Variants in TMEM117 observed in about 807,000 individuals in gnomAD.
TMEM117 encodes transmembrane protein 117.
In TMEM117, 27 loss-of-function variants were observed where a neutral mutation model predicts 52.4. The observed-to-expected ratio is 0.51, with a 90% CI of 0.38 to 0.71. The LOEUF is 0.71. TMEM117 is among the 30% of genes least tolerant of loss of function. The pLI, the probability that TMEM117 is intolerant of heterozygous loss-of-function variation, is 0.00. For missense variants in TMEM117, 556 were observed against 630.5 expected (o/e 0.88, Z 1.26); for synonymous variants, 215 against 206.3 (o/e 1.04, Z -0.36).
chr12:44,286,605 G>T (rs1950641778), intron 5 of TMEM117, among the ~76,000 whole-genome samples: 1 of 151,948 alleles, frequency 6.6e-6, no homozygotes, highest in South Asian at 2.1e-4. Context: ...ATGAATGAAA[G>T]AAAACAATAT....
chr12:44,296,438 C>T (rs1489732265), intron 5 of TMEM117, among the ~76,000 whole-genome samples: 1 of 152,192 alleles, frequency 6.6e-6, no homozygotes, highest in Non-Finnish European at 1.5e-5. Flanking sequence ...TTGGGCAAGA[C>T]TGCCCCTGAC....
At chr12:43,920,275 C>T (rs1944669711) in intron 2 of TMEM117, among the ~76,000 whole-genome samples, 1 of 152,140 alleles carries the variant, frequency 6.6e-6, no homozygotes, top group East Asian at 1.9e-4. Context: ...CCTATAATCC[C>T]AGCACTTTGG....
the TMEM117 span, chr12:43,806,111 G>T: frequency 1.3e-6 from 2 of 1,523,278 alleles, no homozygotes; most frequent in South Asian, 2.4e-5. Context: ...CCGCGAGACC[G>T]ACTTCCGGAG....
intron 3 of TMEM117, among the ~76,000 whole-genome samples, chr12:44,065,766 C>A (rs900623083): frequency 6.6e-6 from 1 of 152,092 alleles, no homozygotes; most frequent in Non-Finnish European, 1.5e-5. Flanking sequence ...GAATCCCACT[C>A]GTGTACAGAT....
chr12:44,039,899 C>A (rs963854467), intron 3 of TMEM117, among the ~76,000 whole-genome samples: 1 of 152,014 alleles, frequency 6.6e-6, no homozygotes, highest in Non-Finnish European at 1.5e-5. Context: ...CTGGAATAGA[C>A]CCTGGTATAT....
At chr12:44,303,647 C>A (rs1167610518) in intron 6 of TMEM117, among the ~76,000 whole-genome samples, 1 of 152,174 alleles carries the variant, frequency 6.6e-6, no homozygotes, top group Non-Finnish European at 1.5e-5. Flanking sequence ...AGAAAACATT[C>A]TTCTAAGGAA....
At chr12:44,172,757 C>T (rs889261677) in intron 4 of TMEM117, among the ~76,000 whole-genome samples, 5 of 152,152 alleles carry the variant, frequency 3.3e-5, no homozygotes, top group African/African-American at 1.2e-4. Flanking sequence ...CTGAGTTTCG[C>T]TGTGTCACCC....
intron 3 of TMEM117, among the ~76,000 whole-genome samples, chr12:43,950,808 T>C (rs1220840953): frequency 6.6e-6 from 1 of 152,216 alleles, no homozygotes; most frequent in East Asian, 1.9e-4. Flanking sequence ...TAAATTCTAC[T>C]ATCAGTTTAA....
At chr12:44,221,176 C>T (rs140328662) in intron 5 of TMEM117, among the ~76,000 whole-genome samples, 1,848 of 152,258 alleles carry the variant, frequency 0.012, 32 homozygotes, top group African/African-American at 0.042. Context: ...GTAGGTTATA[C>T]ATCTGTACCA....
intron 6 of TMEM117, among the ~76,000 whole-genome samples, chr12:44,313,489 C>A (rs1263184575): frequency 6.6e-6 from 1 of 152,150 alleles, no homozygotes; most frequent in Non-Finnish European, 1.5e-5. Flanking sequence ...GTACCAATAT[C>A]ATGCTGTTTT....
chr12:44,215,227 T>A (rs906540661), intron 5 of TMEM117, among the ~76,000 whole-genome samples: 5 of 152,226 alleles, frequency 3.3e-5, no homozygotes, highest in African/African-American at 1.2e-4. Context: ...ATCTCTTACC[T>A]ACTTGTAGCT....
At chr12:43,848,309 T>C (rs554158385) in intron 2 of TMEM117, among the ~76,000 whole-genome samples, 2 of 152,218 alleles carry the variant, frequency 1.3e-5, no homozygotes, top group Non-Finnish European at 2.9e-5. Flanking sequence ...TCCTCAACCC[T>C]AGTAAGCCTG....
chr12:44,166,376 A>G (rs1948967836), intron 4 of TMEM117, among the ~76,000 whole-genome samples: 1 of 152,222 alleles, frequency 6.6e-6, no homozygotes, highest in Non-Finnish European at 1.5e-5. Flanking sequence ...GAGTTAATTA[A>G]AAAGGTGAAT....
chr12:44,129,388 A>T (rs917750486), intron 3 of TMEM117, among the ~76,000 whole-genome samples: 3 of 152,108 alleles, frequency 2.0e-5, no homozygotes, highest in African/African-American at 7.2e-5. Context: ...TGGGGAGCAG[A>T]TCTCCTCTTT....
rs116498294 is a variant in TMEM117, at chr12:44,206,356, G to A, written c.511-4934G>A. 7.1e-3 allele frequency among the ~76,000 whole-genome samples: 1,084 copies of A among 152,282 alleles called. 15 individuals are homozygous for A. The highest frequency in any genetic ancestry group is 0.024 in the African/African-American group (991 of 41,558). ...TTCCGGTAAACCAACAACCTCCAGC[G>A]TGGGCATCATAACCATCATGAGCAT... On this transcript the variant is annotated intron_variant, in intron 4 of 7. Coordinates refer to ENST00000266534, the MANE Select transcript of TMEM117 (RefSeq NM_032256.3).
At chr12:44,079,290 T>C (rs1947439058) in intron 3 of TMEM117, among the ~76,000 whole-genome samples, 1 of 152,218 alleles carries the variant, frequency 6.6e-6, no homozygotes, top group Admixed American at 6.5e-5. Flanking sequence ...ATTGCCACAC[T>C]GTCTTCCACA....
intron 2 of TMEM117, among the ~76,000 whole-genome samples, chr12:43,899,310 G>A (rs934035710): frequency 6.6e-5 from 10 of 152,290 alleles, no homozygotes; most frequent in Admixed American, 5.2e-4. Context: ...GATGAGTACT[G>A]TTTATAAACC....
At chr12:44,080,526 A>G (rs1007636030) in intron 3 of TMEM117, among the ~76,000 whole-genome samples, 1 of 152,150 alleles carries the variant, frequency 6.6e-6, no homozygotes, top group East Asian at 1.9e-4. Context: ...ATCACATGTT[A>G]TGCATAAAGA....
chr12:43,903,780 A>G (rs767804791), intron 2 of TMEM117, among the ~76,000 whole-genome samples: 3 of 152,186 alleles, frequency 2.0e-5, no homozygotes, highest in Non-Finnish European at 4.4e-5. Flanking sequence ...GGCCATTTAT[A>G]TGCCTACCCA....
Sources: allele counts gnomAD v4.1 joint callset (sites outside exome capture counted in the v4.1 genomes callset), GRCh38; gene constraint gnomAD v4.1.1; transcripts MANE v1.5; gene names NCBI Gene and HGNC (gene_info 2026-07-23, HGNC 2026-07-21).